The following GLIS3 variants were observed in gnomAD, a reference collection of about 807,000 sequenced individuals.
GLIS3 encodes GLIS family zinc finger 3, also known as zinc finger protein GLIS3.
GLIS3 carries 53 observed loss-of-function variants against 78.6 expected under a neutral mutation model. The ratio of observed to expected loss-of-function variants is 0.67; its 90% CI spans 0.54 to 0.85. GLIS3 has a LOEUF of 0.85. GLIS3 is among the 40% of genes least tolerant of loss of function. GLIS3 has a pLI of 0.00. For missense variants in GLIS3, 1,703 were observed against 1,231.1 expected, an observed-to-expected ratio of 1.38 and a Z score of -5.74; for synonymous variants, 684 against 509.9, an observed-to-expected ratio of 1.34 and a Z score of -4.60.
chr9:4,413,966 T>C, the GLIS3 span, among the ~76,000 whole-genome samples: 1 of 152,136 alleles, frequency 6.6e-6, no homozygotes, highest in South Asian at 2.1e-4. Flanking sequence ...TTTACAGACC[T>C]GTGGCCAGAT....
intron 4 of GLIS3, among the ~76,000 whole-genome samples, chr9:4,104,497 C>T (rs143329067): frequency 6.6e-6 from 1 of 152,202 alleles, no homozygotes; most frequent in African/African-American, 2.4e-5. Flanking sequence ...CCAACTTCCA[C>T]TCCTTGTTCC....
At chr9:4,043,028 C>T (rs1485880695) in intron 4 of GLIS3, among the ~76,000 whole-genome samples, 1 of 151,730 alleles carries the variant, frequency 6.6e-6, no homozygotes, top group South Asian at 2.1e-4. Context: ...AAAGAAATGG[C>T]TATTCTTCTA....
intron 2 of GLIS3, among the ~76,000 whole-genome samples, chr9:4,197,767 C>A (rs933190935): frequency 6.6e-6 from 1 of 152,170 alleles, no homozygotes; most frequent in Non-Finnish European, 1.5e-5. Context: ...ACAAAGGCCA[C>A]CGCCAGCTCT....
intron 4 of GLIS3, among the ~76,000 whole-genome samples, chr9:3,994,667 T>G (rs2129830847): frequency 6.6e-6 from 1 of 152,340 alleles, no homozygotes; most frequent in East Asian, 1.9e-4. Flanking sequence ...CCTCCTGACC[T>G]CTAGCCTCTC....
chr9:4,426,844 T>C, the GLIS3 span, among the ~76,000 whole-genome samples: 1 of 152,214 alleles, frequency 6.6e-6, no homozygotes, highest in African/African-American at 2.4e-5. Context: ...TCAAATGACC[T>C]GATCCAAGTA....
At chr9:4,096,285 T>C (rs1449284411) in intron 4 of GLIS3, among the ~76,000 whole-genome samples, 1 of 152,178 alleles carries the variant, frequency 6.6e-6, no homozygotes, top group Non-Finnish European at 1.5e-5. Context: ...TTTGGGTGTT[T>C]GGTTCTTTTT....
chr9:4,074,093 G>A (rs1252002165), intron 4 of GLIS3, among the ~76,000 whole-genome samples: 5 of 152,074 alleles, frequency 3.3e-5, no homozygotes, highest in East Asian at 1.9e-4. Context: ...GCTCCCTTCC[G>A]CCGGACTGGT....
At chr9:3,954,794 T>C (rs570290926) in intron 4 of GLIS3, among the ~76,000 whole-genome samples, 4 of 152,336 alleles carry the variant, frequency 2.6e-5, no homozygotes, top group Non-Finnish European at 5.9e-5. Flanking sequence ...GGATGCATTC[T>C]TTACTCATCC....
At chr9:4,139,694 G>A (rs866418578) in intron 2 of GLIS3, among the ~76,000 whole-genome samples, 1 of 152,162 alleles carries the variant, frequency 6.6e-6, no homozygotes, top group African/African-American at 2.4e-5. Context: ...GTGGGGTTCA[G>A]GATGAAACTG....
At chr9:4,091,358 C>T (rs1564033018) in intron 4 of GLIS3, among the ~76,000 whole-genome samples, 1 of 151,858 alleles carries the variant, frequency 6.6e-6, no homozygotes, top group Non-Finnish European at 1.5e-5. Flanking sequence ...CAGAGTGAAA[C>T]CCCGTCTCAA....
the GLIS3 span, among the ~76,000 whole-genome samples, chr9:4,463,384 C>T: frequency 6.6e-6 from 1 of 152,184 alleles, no homozygotes; most frequent in Admixed American, 6.5e-5. Context: ...TCTCACCTTC[C>T]TTTATTGTTT....
chr9:4,091,178 G>A (rs989509042), intron 4 of GLIS3, among the ~76,000 whole-genome samples: 3 of 151,990 alleles, frequency 2.0e-5, no homozygotes, highest in Non-Finnish European at 2.9e-5. Context: ...AACATAGTGA[G>A]ACCCCATCTC....
intron 4 of GLIS3, among the ~76,000 whole-genome samples, chr9:3,943,775 G>A (rs1816100564): frequency 6.6e-6 from 1 of 152,206 alleles, no homozygotes; most frequent in Non-Finnish European, 1.5e-5. Flanking sequence ...ATCACTCACT[G>A]AGTGCGTGCC....
chr9:3,994,609 T>C (rs1048315429), intron 4 of GLIS3, among the ~76,000 whole-genome samples: 1 of 152,204 alleles, frequency 6.6e-6, no homozygotes, highest in African/African-American at 2.4e-5. Context: ...AGTATTTACA[T>C]GGAATTTCTA....
chr9:3,883,742 CT>C (rs2130494457), intron 7 of GLIS3, among the ~76,000 whole-genome samples: 1 of 152,330 alleles, frequency 6.6e-6, no homozygotes, highest in East Asian at 1.9e-4. Flanking sequence ...TGCAAGAGGG[CT>C]TCTAAGTGAA....
chr9:4,252,148 G>C (rs995127560), intron 2 of GLIS3, among the ~76,000 whole-genome samples: 2 of 152,118 alleles, frequency 1.3e-5, no homozygotes, highest in Non-Finnish European at 1.5e-5. Flanking sequence ...TTGAATGTTG[G>C]CCTGTCTTGC....
chr9:4,174,241 C>G (rs996989520), intron 2 of GLIS3, among the ~76,000 whole-genome samples: 1 of 152,134 alleles, frequency 6.6e-6, no homozygotes, highest in African/African-American at 2.4e-5. Context: ...CATTTAAGTC[C>G]TTGTTATCAG....
chr9:4,141,196 T>G (rs146358725), intron 2 of GLIS3, among the ~76,000 whole-genome samples: 1 of 152,308 alleles, frequency 6.6e-6, no homozygotes, highest in Non-Finnish European at 1.5e-5. Context: ...AAGAGGATAG[T>G]GCCTCTAGGA....
At chr9:3,907,280 C>T (rs1357942015) in intron 6 of GLIS3, among the ~76,000 whole-genome samples, 1 of 152,124 alleles carries the variant, frequency 6.6e-6, no homozygotes, top group East Asian at 1.9e-4. Flanking sequence ...CAGTGTGGGA[C>T]CAGCATCATG....
Sources: allele counts gnomAD v4.1 joint callset (sites outside exome capture counted in the v4.1 genomes callset), GRCh38; gene constraint gnomAD v4.1.1; transcripts MANE v1.5; gene names NCBI Gene and HGNC (gene_info 2026-07-23, HGNC 2026-07-21).